The following HIVEP2 variants were observed in gnomAD, a reference collection of about 807,000 sequenced individuals.
HIVEP2 encodes the protein transcription factor HIVEP2.
In HIVEP2, 14 loss-of-function variants were observed where a neutral mutation model predicts 180.7. The observed-to-expected ratio is 0.08, with a 90% CI of 0.05 to 0.12. The LOEUF is 0.12. Ranked by LOEUF, HIVEP2 falls within the 10% of genes least tolerant of loss-of-function variation. The pLI is 1.00. For synonymous variants in HIVEP2, 1,184 were observed against 1,136.4 expected (o/e 1.04, Z -0.84); for missense variants, 2,579 against 3,008.5 (o/e 0.86, Z 3.34).
intron 2 of HIVEP2, among the ~76,000 whole-genome samples, chr6:142,830,291 G>A (rs185864134): frequency 1.2e-4 from 18 of 152,188 alleles, no homozygotes; most frequent in Admixed American, 9.8e-4. Flanking sequence ...GTGTTTGCGC[G>A]TTCCCTAGAT....
intron 3 of HIVEP2, among the ~76,000 whole-genome samples, chr6:142,777,440 G>A (rs1775729579): frequency 6.6e-6 from 1 of 151,908 alleles, no homozygotes; most frequent in South Asian, 2.1e-4. Flanking sequence ...ATGCCAGGCA[G>A]CATTGGCACC....
At chr6:142,872,834 T>C (rs72995085) in intron 1 of HIVEP2, among the ~76,000 whole-genome samples, 20,449 of 152,216 alleles carry the variant, frequency 0.13, 1,656 homozygotes, top group Non-Finnish European at 0.17. Context: ...TTGGGTTTTT[T>C]ACAATTCATA....
chr6:142,918,208 T>C (rs1000088972), intron 1 of HIVEP2, among the ~76,000 whole-genome samples: 2 of 152,038 alleles, frequency 1.3e-5, no homozygotes, highest in Non-Finnish European at 2.9e-5. Context: ...TTATTTTATT[T>C]ACTTTTATTT....
At chr6:142,756,015 C>T (rs1006798361) in intron 9 of HIVEP2, among the ~76,000 whole-genome samples, 28 of 152,336 alleles carry the variant, frequency 1.8e-4, no homozygotes, top group African/African-American at 6.0e-4. Flanking sequence ...AAACTTCCAT[C>T]TTACTTAAAT....
At chr6:142,857,372 G>T (rs796914867) in intron 1 of HIVEP2, among the ~76,000 whole-genome samples, 6 of 152,146 alleles carry the variant, frequency 3.9e-5, no homozygotes, top group African/African-American at 1.2e-4. Flanking sequence ...CTGCATATTC[G>T]CCAAATGCTC....
At chr6:142,839,354 T>G (rs940193651) in intron 1 of HIVEP2, among the ~76,000 whole-genome samples, 1 of 152,018 alleles carries the variant, frequency 6.6e-6, no homozygotes, top group Non-Finnish European at 1.5e-5. Context: ...TTAATTTGTT[T>G]GTATTGCCTG....
At chr6:142,762,745 C>T (rs1280606586) in intron 7 of HIVEP2, among the ~76,000 whole-genome samples, 1 of 152,144 alleles carries the variant, frequency 6.6e-6, no homozygotes, top group Non-Finnish European at 1.5e-5. Context: ...ATATGAGCCA[C>T]AGTTAAAACT....
intron 7 of HIVEP2, among the ~76,000 whole-genome samples, chr6:142,762,563 T>C (rs185804962): frequency 1.1e-3 from 173 of 152,150 alleles, no homozygotes; most frequent in Admixed American, 2.6e-3. Flanking sequence ...GTAAGGCGCC[T>C]TTACATCACT....
intron 1 of HIVEP2, among the ~76,000 whole-genome samples, chr6:142,901,138 G>T (rs555194982): frequency 6.6e-6 from 1 of 152,128 alleles, no homozygotes; most frequent in East Asian, 1.9e-4. Flanking sequence ...TCTTTTCTTT[G>T]TAAATCAATA....
At chr6:142,824,114 C>G (rs895973056) in intron 2 of HIVEP2, among the ~76,000 whole-genome samples, 1 of 151,546 alleles carries the variant, frequency 6.6e-6, no homozygotes, top group African/African-American at 2.4e-5. Context: ...CCTTTAGGTC[C>G]CGAGAATTAG....
chr6:142,910,256 A>T (rs982031255), intron 1 of HIVEP2, among the ~76,000 whole-genome samples: 46 of 152,364 alleles, frequency 3.0e-4, no homozygotes, highest in Admixed American at 2.5e-3. Context: ...AAGATAATTT[A>T]AAGAAATGTT....
At chr6:142,758,243 A>G (rs1775130632) in intron 9 of HIVEP2, among the ~76,000 whole-genome samples, 1 of 152,218 alleles carries the variant, frequency 6.6e-6, no homozygotes, top group Non-Finnish European at 1.5e-5. Flanking sequence ...TTGGTAAACA[A>G]CATCCCAATT....
chr6:142,792,806 A>C (rs1289580119), intron 2 of HIVEP2, among the ~76,000 whole-genome samples: 2 of 152,132 alleles, frequency 1.3e-5, no homozygotes, highest in Admixed American at 6.5e-5. Flanking sequence ...AAGGAACTCA[A>C]AAGCATAAAT....
chr6:142,836,192 T>C (rs1482167606), intron 2 of HIVEP2, among the ~76,000 whole-genome samples: 1 of 152,128 alleles, frequency 6.6e-6, no homozygotes, highest in Non-Finnish European at 1.5e-5. Context: ...TTAATTAAAG[T>C]ATGAGTTTGC....
intron 2 of HIVEP2, among the ~76,000 whole-genome samples, chr6:142,792,652 A>C (rs116237734): frequency 0.014 from 2,162 of 152,294 alleles, 65 homozygotes; most frequent in African/African-American, 0.05. Flanking sequence ...GGCGCAGCAA[A>C]CAACCATGGC....
chr6:142,910,144 G>A (rs146864299), intron 1 of HIVEP2, among the ~76,000 whole-genome samples: 310 of 152,182 alleles, frequency 2.0e-3, no homozygotes, highest in Non-Finnish European at 3.4e-3. Context: ...GGCTGAATAG[G>A]TATTTTCTAC....
At chr6:142,927,745 A>G (rs1777851252) in intron 1 of HIVEP2, among the ~76,000 whole-genome samples, 1 of 152,210 alleles carries the variant, frequency 6.6e-6, no homozygotes, top group Admixed American at 6.5e-5. Flanking sequence ...AAAGATTTTT[A>G]AAGTCTCCTT....
chr6:142,855,963 A>G (rs1775809155), intron 1 of HIVEP2, among the ~76,000 whole-genome samples: 1 of 152,200 alleles, frequency 6.6e-6, no homozygotes, highest in Non-Finnish European at 1.5e-5. Flanking sequence ...TTCCCAACTG[A>G]AACACCAGGA....
chr6:142,825,574 CATT>C (rs1422190417), intron 2 of HIVEP2, among the ~76,000 whole-genome samples: 5 of 152,112 alleles, frequency 3.3e-5, no homozygotes, highest in Non-Finnish European at 5.9e-5. Flanking sequence ...ACTTAGAAAT[CATT>C]AAGCTATCAA....
Sources: gnomAD v4.1 joint callset for allele counts (sites outside exome capture counted in the v4.1 genomes callset) on GRCh38, gnomAD v4.1.1 for gene constraint, MANE v1.5 for transcripts, NCBI Gene and HGNC (gene_info 2026-07-23, HGNC 2026-07-21) for gene names.